PTPRG: variants seen among roughly 807,000 people sequenced by gnomAD.
PTPRG encodes protein tyrosine phosphatase receptor type G.
A neutral mutation model predicts 165.3 loss-of-function variants in PTPRG; 102 were observed. That is an observed-to-expected ratio of 0.62 (90% CI 0.53 to 0.73). The LOEUF is 0.73. Ranked by LOEUF, PTPRG falls within the 30% of genes least tolerant of loss-of-function variation. PTPRG has a pLI of 0.00. For synonymous variants in PTPRG, 675 were observed against 669.5 expected (o/e 1.01, Z -0.13); for missense variants, 1,866 against 1,861.4 (o/e 1.00, Z -0.05).
Position 61,836,724 on chromosome 3 carries a change from G to T in PTPRG, c.190+87742G>T, listed in dbSNP as rs111841646. 5.6e-4 allele frequency among the ~76,000 whole-genome samples: 75 copies of T among 135,098 alleles called. 1 individual carries two copies. In the East Asian group the frequency reaches 7.7e-3, roughly 14 times the overall value. The allele number at this position is 135,098 out of a possible 152,430, so 88.6% of individuals were successfully genotyped here. A position where few individuals can be genotyped will look rare whatever the true frequency, so the allele number is the denominator to read the frequency against. ...AGTTCTGTTTGAAACCAGTTTTTTTGTTGTTGTTGTTGTTTTTTGTTTTTT... is the reference window on the plus strand; with the variant it reads ...AGTTCTGTTTGAAACCAGTTTTTTTTTTGTTGTTGTTGTTTTTTGTTTTTT... On this transcript the variant is annotated intron_variant, in intron 2 of 29. Transcript: ENST00000474889.
At chr3:62,122,257 G>A (rs999639087) in intron 5 of PTPRG, among the ~76,000 whole-genome samples, 3 of 152,192 alleles carry the variant, frequency 2.0e-5, no homozygotes, top group African/African-American at 4.8e-5. Context: ...CAATGTTTAG[G>A]TGAGTTAGCA....
At chr3:61,651,656 C>A (rs1490065503) in intron 1 of PTPRG, among the ~76,000 whole-genome samples, 1 of 152,292 alleles carries the variant, frequency 6.6e-6, no homozygotes, top group Middle Eastern at 3.4e-3. Flanking sequence ...GAATACTGCA[C>A]CTCTGGTGTA....
In PTPRG at chr3:62,195,367, G is replaced by T. The variant is rs1049954228; in HGVS notation, c.1327+197G>T. Among the ~76,000 whole-genome samples the T allele has an allele frequency of 1.3e-5, 2 of 152,270 alleles. No individual in the cohort carries two copies. Among genetic ancestry groups the T allele is most frequent in the East Asian group, 3.9e-4 (2 of 5,188 alleles). On this transcript the variant is annotated intron_variant, in intron 10 of 29. Coordinates refer to ENST00000474889, the MANE Select transcript of PTPRG (RefSeq NM_002841.4). This position sits in a 1 kb window ranked among gnomAD's most constrained non-coding sequence, Gnocchi z 4.4. ...TGGAGGTTTTATCGGCAGAAGAGGGGAGAAAAAACAAAACATTTTTGATTG... is the reference window on the plus strand; with the variant it reads ...TGGAGGTTTTATCGGCAGAAGAGGGTAGAAAAAACAAAACATTTTTGATTG...
chr3:61,627,297 T>C (rs1234263524), intron 1 of PTPRG, among the ~76,000 whole-genome samples: 1 of 152,150 alleles, frequency 6.6e-6, no homozygotes, highest in Non-Finnish European at 1.5e-5. Flanking sequence ...GATAATTCGG[T>C]TGGAGTAAGG....
chr3:61,792,667 GTTTTCTTTCTTTCTTTCTTTCTTTCTTT>G (rs1178471849), intron 2 of PTPRG, among the ~76,000 whole-genome samples: 15 of 146,920 alleles, frequency 1.0e-4, no homozygotes, highest in Middle Eastern at 3.5e-3. Flanking sequence ...TTTTTTGTGG[GTTTTCTTTCTTTCTTTCTTTCTTTCTTT>G]CTTTCTTTCT....
intron 2 of PTPRG, among the ~76,000 whole-genome samples, chr3:61,865,656 A>C (rs2037385742): frequency 6.6e-6 from 1 of 152,194 alleles, no homozygotes; most frequent in Admixed American, 6.5e-5. Flanking sequence ...AGGTGGCAGC[A>C]AGCTGCTTAC....
In PTPRG at chr3:62,240,781, CT is replaced by C. The variant is rs1325468891; in HGVS notation, c.2376-3024del. ...CCAGAGTTTTACAGGGTTAGACCTC[CT>C]TAATCAGGCCTCAGCTCAAATGCCA... is the stretch of plus-strand genomic sequence containing the variant. On this transcript the variant is annotated intron_variant, in intron 14 of 29. Coordinates refer to ENST00000474889, the MANE Select transcript of PTPRG (RefSeq NM_002841.4). The surrounding 1 kb of genome is among the most constrained non-coding windows in gnomAD (Gnocchi z 5.1). 2.6e-5 allele frequency among the ~76,000 whole-genome samples: 4 copies of C among 152,194 alleles called. No individual in the cohort carries two copies. The highest frequency in any genetic ancestry group is 5.9e-5 in the Non-Finnish European group (4 of 68,032).
intron 2 of PTPRG, among the ~76,000 whole-genome samples, chr3:61,925,053 CCTCCAGAA>C (rs145064865): frequency 0.016 from 2,417 of 152,324 alleles, 42 homozygotes; most frequent in South Asian, 0.082. Context: ...GACTTCCTAG[CCTCCAGAA>C]CTGTGAGAAA....
intron 5 of PTPRG, among the ~76,000 whole-genome samples, chr3:62,092,230 A>G (rs1251483253): frequency 6.6e-6 from 1 of 151,942 alleles, no homozygotes; most frequent in Non-Finnish European, 1.5e-5. Flanking sequence ...GCCTGAGGTC[A>G]TGAGTTCATG....
chr3:62,258,092 G>A (rs760977643), intron 16 of PTPRG, among the ~76,000 whole-genome samples: 1 of 151,982 alleles, frequency 6.6e-6, no homozygotes, highest in Non-Finnish European at 1.5e-5. Context: ...AGTGGGGAGA[G>A]CAGCCAAATT....
chr3:62,165,928 C>T (rs981936595), intron 7 of PTPRG, among the ~76,000 whole-genome samples: 1 of 152,080 alleles, frequency 6.6e-6, no homozygotes, highest in Non-Finnish European at 1.5e-5. Flanking sequence ...GGATGACCAC[C>T]TAGAATTTGC....
intron 5 of PTPRG, among the ~76,000 whole-genome samples, chr3:62,095,977 C>G (rs1702095701): frequency 6.6e-6 from 1 of 152,120 alleles, no homozygotes; most frequent in Non-Finnish European, 1.5e-5. Flanking sequence ...TGAAGGCCAT[C>G]AGCCCTAGAC....
At chr3:62,062,727 C>G (rs908615816) in intron 4 of PTPRG, among the ~76,000 whole-genome samples, 2 of 151,944 alleles carry the variant, frequency 1.3e-5, no homozygotes, top group African/African-American at 4.8e-5. Context: ...GGTGGGCAAT[C>G]ATGGCTCACT....
intron 1 of PTPRG, among the ~76,000 whole-genome samples, chr3:61,563,802 G>C (rs1699832648): frequency 1.1e-5 from 1 of 91,808 alleles, no homozygotes; most frequent in Non-Finnish European, 2.5e-5. Context: ...AGCCCTCGTC[G>C]CCCTTGGGGA....
At position 61,849,730 on chromosome 3, in the gene PTPRG, T is replaced by C. The variant is rs145052619; in HGVS notation, c.190+100748T>C. Among the ~76,000 whole-genome samples the C allele has an allele frequency of 8.5e-5, 13 of 152,134 alleles. No homozygotes were observed. The East Asian group carries it at 2.5e-3, about 29-fold the overall frequency. On this transcript the variant is annotated intron_variant, in intron 2 of 29. Coordinates refer to ENST00000474889, the MANE Select transcript of PTPRG (RefSeq NM_002841.4). ...CATAGAACAAATCCAGAGGAGTAGC[T>C]ACAGCTACACATAGAACAAATCCTG...
chr3:61,867,705 CTCT>C (rs1303951801), intron 2 of PTPRG, among the ~76,000 whole-genome samples: 2 of 152,186 alleles, frequency 1.3e-5, no homozygotes, highest in African/African-American at 2.4e-5. Flanking sequence ...CTCTCTCCCT[CTCT>C]TCTTTATAGA....
chr3:61,984,873 T>C (rs2040720807), intron 2 of PTPRG, among the ~76,000 whole-genome samples: 1 of 152,230 alleles, frequency 6.6e-6, no homozygotes, highest in African/African-American at 2.4e-5. Flanking sequence ...TTGTCAATTA[T>C]ATAGAATGTT....
intron 4 of PTPRG, among the ~76,000 whole-genome samples, chr3:62,063,265 G>A (rs1700880331): frequency 6.6e-6 from 1 of 152,164 alleles, no homozygotes; most frequent in Admixed American, 6.5e-5. Flanking sequence ...TTGATAGAAA[G>A]ATCATCAAGC....
In PTPRG at chr3:61,664,018, G is replaced by A. The variant is rs115077116; in HGVS notation, c.86-84860G>A. ...ACAGTAGGCAGGCATGTATTTCTCA[G>A]AATCCTCAGAATCCATTCTTGTTAT... On this transcript the variant is annotated intron_variant, in intron 1 of 29. Coordinates refer to ENST00000474889, the MANE Select transcript of PTPRG (RefSeq NM_002841.4). Among the ~76,000 whole-genome samples, 496 of 152,334 alleles carry A rather than the reference G, an allele frequency of 3.3e-3. 2 individuals carry two copies. The highest frequency in any genetic ancestry group is 0.011 in the African/African-American group (466 of 41,582).
Sources: allele counts gnomAD v4.1 joint callset (sites outside exome capture counted in the v4.1 genomes callset), GRCh38; gene constraint gnomAD v4.1.1; non-coding constraint Gnocchi (gnomAD v3.1); transcripts MANE v1.5; gene names NCBI Gene and HGNC (gene_info 2026-07-23, HGNC 2026-07-21).